The following CHLSN variants were observed in gnomAD, a reference collection of about 807,000 sequenced individuals.
CHLSN encodes the protein cholesin, also known as protein cholesin.
At chr7:1,049,449 A>G in the CHLSN span, among the ~76,000 whole-genome samples, 3 of 152,218 alleles carry the variant, frequency 2.0e-5, no homozygotes, top group East Asian at 5.8e-4. Flanking sequence ...CAAGGATGTC[A>G]CCTGCCTGCA....
chr7:1,055,164 T>C, the CHLSN span: 6 of 457,366 alleles, frequency 1.3e-5, no homozygotes, highest in Admixed American at 2.4e-5. Context: ...CAGTTTGCAG[T>C]GCGGTCCCGT....
At chr7:1,073,233 G>A in the CHLSN span, among the ~76,000 whole-genome samples, 30 of 152,200 alleles carry the variant, frequency 2.0e-4, no homozygotes, top group Non-Finnish European at 3.8e-4. Context: ...ACCCTCCTTC[G>A]GTGTGAATTT....
the CHLSN span, among the ~76,000 whole-genome samples, chr7:1,051,402 G>A: frequency 6.6e-6 from 1 of 152,230 alleles, no homozygotes; most frequent in Non-Finnish European, 1.5e-5. Context: ...GCAGTTTCCC[G>A]CACAGCGTGG....
the CHLSN span, among the ~76,000 whole-genome samples, chr7:1,024,232 A>G: frequency 7.5e-3 from 1,139 of 152,280 alleles, 18 homozygotes; most frequent in African/African-American, 0.026. Flanking sequence ...CTTGGCTGAC[A>G]GTGGGACCTG....
the CHLSN span, chr7:1,010,041 C>G: frequency 1.2e-6 from 2 of 1,611,142 alleles, no homozygotes; most frequent in Admixed American, 1.7e-5. Flanking sequence ...CGCTGCCTCT[C>G]CTCTTTCTTC....
At chr7:988,305 C>T in the CHLSN span, 19 of 1,604,584 alleles carry the variant, frequency 1.2e-5, no homozygotes, top group Middle Eastern at 1.6e-4. Context: ...CTGCTGACCT[C>T]GGTGCTCCTG....
the CHLSN span, among the ~76,000 whole-genome samples, chr7:1,086,597 G>C: frequency 6.6e-6 from 1 of 152,200 alleles, no homozygotes; most frequent in South Asian, 2.1e-4. Context: ...TTGAGCCCCA[G>C]CAGGTCCCGA....
the CHLSN span, among the ~76,000 whole-genome samples, chr7:1,016,984 G>A: frequency 4.1e-3 from 262 of 63,508 alleles, 15 homozygotes; most frequent in African/African-American, 0.02. Flanking sequence ...ACACACCAGC[G>A]CACAGCAGCG....
At chr7:1,050,276 G>A in the CHLSN span, among the ~76,000 whole-genome samples, 1 of 152,238 alleles carries the variant, frequency 6.6e-6, no homozygotes, top group South Asian at 2.1e-4. Flanking sequence ...TCTCCAGGGA[G>A]CTGCACACAC....
the CHLSN span, among the ~76,000 whole-genome samples, chr7:1,136,340 A>G: frequency 9.8e-6 from 1 of 101,762 alleles, no homozygotes; most frequent in Non-Finnish European, 1.8e-5. Flanking sequence ...AAATATATAA[A>G]CATATAAATA....
chr7:987,090 G>A, the CHLSN span: 3 of 1,510,290 alleles, frequency 2.0e-6, no homozygotes, highest in African/African-American at 1.4e-5. Flanking sequence ...CACGAGCCCT[G>A]CCCCACGCCT....
the CHLSN span, among the ~76,000 whole-genome samples, chr7:1,011,827 G>A: frequency 6.6e-6 from 1 of 152,178 alleles, no homozygotes; most frequent in Non-Finnish European, 1.5e-5. Flanking sequence ...TGGGGGACGA[G>A]GAGCACCGTC....
the CHLSN span, chr7:986,329 A>C: frequency 2.2e-6 from 1 of 454,146 alleles, no homozygotes; most frequent in East Asian, 4.5e-5. Context: ...GACTCACAGG[A>C]GGTTCAAGGT....
the CHLSN span, among the ~76,000 whole-genome samples, chr7:1,133,447 TA>T: frequency 6.8e-6 from 1 of 148,082 alleles, no homozygotes; most frequent in South Asian, 2.1e-4. Context: ...ACCATAAATT[TA>T]AAAATGTAAC....
At chr7:1,053,268 G>A in the CHLSN span, among the ~76,000 whole-genome samples, 7 of 152,392 alleles carry the variant, frequency 4.6e-5, no homozygotes, top group South Asian at 8.3e-4. Context: ...GGCACATGGG[G>A]CCCAGGCCAT....
At chr7:1,070,991 C>T in the CHLSN span, among the ~76,000 whole-genome samples, 5 of 151,506 alleles carry the variant, frequency 3.3e-5, no homozygotes, top group African/African-American at 7.3e-5. Context: ...CACGGGCACA[C>T]ACACACGTGC....
chr7:1,037,825 A>C, the CHLSN span, among the ~76,000 whole-genome samples: 3 of 43,728 alleles, frequency 6.9e-5, no homozygotes, highest in African/African-American at 1.0e-4. Flanking sequence ...AGCCGCCATC[A>C]CATCTAGGAA....
the CHLSN span, among the ~76,000 whole-genome samples, chr7:1,023,685 C>T: frequency 3.7e-5 from 5 of 135,074 alleles, no homozygotes; most frequent in African/African-American, 8.0e-5. This position sits in a 1 kb window ranked among gnomAD's most constrained non-coding sequence, Gnocchi z 5.0. Context: ...ACACCAGCAA[C>T]GCGCCCAGAC....
the CHLSN span, among the ~76,000 whole-genome samples, chr7:1,077,360 T>C: frequency 6.6e-6 from 1 of 152,240 alleles, no homozygotes; most frequent in East Asian, 1.9e-4. Context: ...TTTCACCGTG[T>C]TAGCCAGGAT....
Sources: gnomAD v4.1 joint callset for allele counts (sites outside exome capture counted in the v4.1 genomes callset) on GRCh38, gnomAD v4.1.1 for gene constraint, Gnocchi (gnomAD v3.1) non-coding constraint, MANE v1.5 for transcripts, NCBI Gene and HGNC (gene_info 2026-07-23, HGNC 2026-07-21) for gene names.